LRRC75A: variants seen among roughly 807,000 people sequenced by gnomAD.
The protein encoded by LRRC75A is leucine-rich repeat-containing protein 75A.
A neutral mutation model predicts 26.0 loss-of-function variants in LRRC75A; 12 were observed. That is an observed-to-expected ratio of 0.46 (90% CI 0.30 to 0.75). The LOEUF is 0.75. Among genes scored for constraint, LRRC75A ranks in the 30% least tolerant of loss-of-function variants. LRRC75A has a pLI of 0.08. For synonymous variants in LRRC75A, 223 were observed against 219.3 expected (o/e 1.02, Z -0.15); for missense variants, 410 against 486.6 (o/e 0.84, Z 1.48).
intron 1 of LRRC75A, among the ~76,000 whole-genome samples, chr17:16,487,011 T>C (rs1041439904): frequency 6.6e-6 from 1 of 151,962 alleles, no homozygotes; most frequent in Non-Finnish European, 1.5e-5. Context: ...TGGATAACAG[T>C]GGTGGTGGTG....
intron 2 of LRRC75A, among the ~76,000 whole-genome samples, chr17:16,449,559 G>A (rs865876872): frequency 1.3e-5 from 2 of 152,298 alleles, no homozygotes; most frequent in Non-Finnish European, 1.5e-5. Context: ...ATTCTGGCAG[G>A]GCAAGGAGGG....
At chr17:16,480,749 T>C (rs2159340) in intron 1 of LRRC75A, among the ~76,000 whole-genome samples, 45,251 of 152,012 alleles carry the variant, frequency 0.3, 7,879 homozygotes, top group African/African-American at 0.49. Context: ...CTTCTCCTGC[T>C]ACAGGGAAGG....
At chr17:16,465,773 T>C (rs1208661119) in intron 1 of LRRC75A, among the ~76,000 whole-genome samples, 2 of 152,216 alleles carry the variant, frequency 1.3e-5, no homozygotes, top group Non-Finnish European at 2.9e-5. Flanking sequence ...ATCCCCCTGG[T>C]TGCCCAGCTG....
Position 16,491,961 on chromosome 17 carries a change from C to T in LRRC75A, c.30G>A (p.Leu10=), listed in dbSNP as rs932568221. 1.6e-6 allele frequency: 2 copies of T among 1,221,684 alleles called. No individual in the cohort carries two copies. The highest frequency in any genetic ancestry group is 2.0e-6 in the Non-Finnish European group (2 of 983,960). 75.7% of individuals were successfully genotyped at this position (1,221,684 alleles called of 1,614,324 possible). The change falls in exon 1 of 4, where the codon CTG becomes CTA. Residue 10 remains leucine, a synonymous_variant. Coordinates refer to ENST00000470794, the MANE Select transcript of LRRC75A (RefSeq NM_001113567.3). The surrounding 1 kb of genome is among the most constrained non-coding windows in gnomAD (Gnocchi z 5.9). MGTRQTKGS[L]AERASPGAAP... is the part of the protein sequence containing the mutation. ...CGGCGCCGGGGCTGGCTCTCTCCGC[C>T]AGGCTGCCCTTGGTCTGCCGGGTGC...
At chr17:16,453,965 T>G (rs2093656141) in intron 2 of LRRC75A, among the ~76,000 whole-genome samples, 1 of 152,180 alleles carries the variant, frequency 6.6e-6, no homozygotes, top group Admixed American at 6.5e-5. Flanking sequence ...GAAGGAACAC[T>G]GCAGAGAGAG....
At chr17:16,470,815 C>A (rs1026970211) in intron 1 of LRRC75A, among the ~76,000 whole-genome samples, 1 of 152,190 alleles carries the variant, frequency 6.6e-6, no homozygotes, top group Non-Finnish European at 1.5e-5. Flanking sequence ...TCATAAACAA[C>A]AGAAATGTAT....
At chr17:16,445,859 G>A (rs73978889) in intron 3 of LRRC75A, among the ~76,000 whole-genome samples, 1,799 of 152,294 alleles carry the variant, frequency 0.012, 35 homozygotes, top group African/African-American at 0.041. Context: ...CTTACCAGTT[G>A]GGTGATCCTA....
At chr17:16,444,188 A>C in intron 3 of LRRC75A, 57 bp from the exon 4 acceptor site, 1 of 1,394,888 alleles carries the variant, frequency 7.2e-7, no homozygotes, top group Non-Finnish European at 9.6e-7. Context: ...TTTCCCCCAG[A>C]AGCTGCAGTG....
rs922446550 is a variant in LRRC75A at position 16,455,454 on chromosome 17, A to G, written c.375+6804T>C. On this transcript the variant is annotated intron_variant, in intron 2 of 3. Coordinates refer to ENST00000470794, the MANE Select transcript of LRRC75A (RefSeq NM_001113567.3). ...AGTGCAGTGGCGCAATCTCAGCTCA[A>G]TGCAACCTCCATCTCCCAGATTCAA... 1.1e-4 allele frequency among the ~76,000 whole-genome samples: 17 copies of G among 150,584 alleles called. No homozygotes were observed. The East Asian group carries it at 3.4e-3, about 30-fold the overall frequency.
chr17:16,484,493 T>A (rs996469747), intron 1 of LRRC75A, among the ~76,000 whole-genome samples: 4 of 151,978 alleles, frequency 2.6e-5, no homozygotes, highest in Non-Finnish European at 5.9e-5. Context: ...CGGCTGACAC[T>A]CAGACAATCA....
chr17:16,486,927 G>A lies in LRRC75A; in HGVS notation c.246+4818C>T, dbSNP rs145428597. On this transcript the variant is annotated intron_variant, in intron 1 of 3. Transcript: ENST00000470794. ...ACTGACGACAGCAGCAGACACACAC[G>A]CGTACGCACATCTTCACGGCACACA... 2.6e-3 allele frequency among the ~76,000 whole-genome samples: 393 copies of A among 152,314 alleles called. 5 individuals are homozygous for A. The highest frequency in any genetic ancestry group is 9.0e-3 in the African/African-American group (373 of 41,576).
At chr17:16,446,291 G>A (rs187014679) in intron 3 of LRRC75A, among the ~76,000 whole-genome samples, 1 of 152,360 alleles carries the variant, frequency 6.6e-6, no homozygotes, top group East Asian at 1.9e-4. Context: ...GTGGTGAACA[G>A]GATGGACAAA....
chr17:16,484,529 C>CA (rs1279646912), intron 1 of LRRC75A, among the ~76,000 whole-genome samples: 1 of 152,088 alleles, frequency 6.6e-6, no homozygotes, highest in Non-Finnish European at 1.5e-5. Context: ...CCTTCTTGAC[C>CA]GCCACCAACC....
intron 3 of LRRC75A, chr17:16,446,934 TG>T (rs1349299035): frequency 2.0e-5 from 5 of 245,228 alleles, no homozygotes; most frequent in African/African-American, 4.6e-5. Context: ...TAGTTGTGGG[TG>T]GGGGTGGGGG....
intron 2 of LRRC75A, among the ~76,000 whole-genome samples, chr17:16,452,703 G>A (rs1315528602): frequency 6.6e-6 from 1 of 151,968 alleles, no homozygotes; most frequent in African/African-American, 2.4e-5. Flanking sequence ...TAAAGTGCTG[G>A]GATTACAGGT....
intron 1 of LRRC75A, among the ~76,000 whole-genome samples, chr17:16,469,141 T>G (rs546794309): frequency 6.6e-6 from 1 of 152,374 alleles, no homozygotes; most frequent in South Asian, 2.1e-4. Context: ...TTTGGTATTC[T>G]GTGCATGATA....
Position 16,490,993 on chromosome 17 carries a change from G to A in LRRC75A, c.246+752C>T, listed in dbSNP as rs1399872934. On this transcript the variant is annotated intron_variant, in intron 1 of 3. Transcript: ENST00000470794. ...AGGTGAGTGATAGCATTAGCCTCAG[G>A]GCAGCCCCAAAGCAGAGGGAACTGG... Among the ~76,000 whole-genome samples, 6 of 152,246 alleles carry A rather than the reference G, an allele frequency of 3.9e-5. No individual in the cohort carries two copies. In the South Asian group the frequency reaches 1.2e-3, roughly 32 times the overall value.
intron 2 of LRRC75A, among the ~76,000 whole-genome samples, chr17:16,457,404 CT>C (rs766801987): frequency 2.5e-4 from 38 of 152,228 alleles, no homozygotes; most frequent in Non-Finnish European, 5.1e-4. Context: ...TCTCTTCCCC[CT>C]GGCTTCCACT....
At chr17:16,470,933 G>A (rs1485470899) in intron 1 of LRRC75A, among the ~76,000 whole-genome samples, 2 of 151,792 alleles carry the variant, frequency 1.3e-5, no homozygotes, top group South Asian at 2.1e-4. Flanking sequence ...TGTGCGACAA[G>A]GAAGGGAGGG....
Sources: gnomAD v4.1 joint callset for allele counts (sites outside exome capture counted in the v4.1 genomes callset) on GRCh38, gnomAD v4.1.1 for gene constraint, Gnocchi (gnomAD v3.1) non-coding constraint, MANE v1.5 for transcripts, NCBI Gene and HGNC (gene_info 2026-07-23, HGNC 2026-07-21) for gene names.